The following GLCCI1 variants were observed in gnomAD, a reference collection of about 807,000 sequenced individuals.
The protein encoded by GLCCI1 is glucocorticoid-induced transcript 1 protein.
In GLCCI1, 24 loss-of-function variants were observed where a neutral mutation model predicts 52.2. The observed-to-expected ratio is 0.46, with a 90% CI of 0.33 to 0.65. The LOEUF (loss-of-function observed/expected upper bound fraction) is 0.65. Ranked by LOEUF, GLCCI1 falls within the 30% of genes least tolerant of loss-of-function variation. The probability of loss-of-function intolerance (pLI) is 0.02; values close to 1 mark genes in which losing one functional copy is unlikely to be tolerated. For missense variants in GLCCI1, 704 were observed against 701.5 expected (o/e 1.00, Z -0.04); for synonymous variants, 310 against 276.5 (o/e 1.12, Z -1.20).
chr7:8,002,577 A>G (rs1356114893), intron 1 of GLCCI1, among the ~76,000 whole-genome samples: 1 of 152,210 alleles, frequency 6.6e-6, no homozygotes, highest in Admixed American at 6.5e-5. Context: ...TAATATGATA[A>G]CATGCATTTT....
At chr7:8,048,552 G>T (rs17142375) in intron 3 of GLCCI1, among the ~76,000 whole-genome samples, 11 of 151,866 alleles carry the variant, frequency 7.2e-5, no homozygotes, top group African/African-American at 1.2e-4. Context: ...TAATTATGGG[G>T]AACATACATG....
chr7:8,003,928 C>A lies in GLCCI1; in HGVS notation c.478C>A (p.Gln160Lys). ...TGTAGCGGACAAGGCAAAATCTCAG[C>A]AAGTTCGGACCTCTAGTACAATAAG... ...VCRADKAKSQ[Q>K]VRTSSTIRRT... Residue 160 changes from glutamine (Q) to lysine (K), a missense_variant, in exon 2 of 8, where the codon CAA becomes AAA. Gln to Lys is a moderately conservative substitution (Grantham distance 53). Coordinates refer to ENST00000223145, the MANE Select transcript of GLCCI1 (RefSeq NM_138426.4). 6.2e-7 allele frequency: 1 copy of A among 1,611,558 alleles called. No individual in the cohort carries two copies. Among genetic ancestry groups the A allele is most frequent in the Non-Finnish European group, 8.5e-7 (1 of 1,178,764 alleles).
chr7:7,974,320 T>C (rs183604234), intron 1 of GLCCI1, among the ~76,000 whole-genome samples: 38 of 152,314 alleles, frequency 2.5e-4, no homozygotes, highest in African/African-American at 9.1e-4. Context: ...ATAACTGTTA[T>C]TGTAAGCGTA....
At chr7:8,026,047 G>A (rs1303607943) in intron 3 of GLCCI1, among the ~76,000 whole-genome samples, 2 of 152,112 alleles carry the variant, frequency 1.3e-5, no homozygotes, top group Non-Finnish European at 2.9e-5. Flanking sequence ...GTAAATATGT[G>A]GTAAATATAA....
chr7:8,056,143 C>A (rs1782392845), intron 4 of GLCCI1, among the ~76,000 whole-genome samples: 1 of 151,996 alleles, frequency 6.6e-6, no homozygotes, highest in East Asian at 1.9e-4. Context: ...ACTAAAAATA[C>A]AAAAAAATTA....
intron 3 of GLCCI1, among the ~76,000 whole-genome samples, chr7:8,049,704 T>A (rs1782215225): frequency 6.6e-6 from 1 of 152,210 alleles, no homozygotes; most frequent in South Asian, 2.1e-4. Flanking sequence ...GAAAGGAAGT[T>A]ATGCAGTGGT....
intron 6 of GLCCI1, among the ~76,000 whole-genome samples, chr7:8,077,149 A>G (rs968965035): frequency 2.0e-5 from 3 of 152,154 alleles, no homozygotes; most frequent in African/African-American, 7.2e-5. Context: ...CATGCTGGTA[A>G]CCAGTAAACT....
At chr7:8,008,199 G>T (rs1361823996) in intron 2 of GLCCI1, among the ~76,000 whole-genome samples, 1 of 151,594 alleles carries the variant, frequency 6.6e-6, no homozygotes, top group African/African-American at 2.4e-5. Context: ...CTGAAATTTT[G>T]TGTCCTTTGA....
At chr7:8,043,354 G>A (rs1250218687) in intron 3 of GLCCI1, among the ~76,000 whole-genome samples, 1 of 150,050 alleles carries the variant, frequency 6.7e-6, no homozygotes, top group Non-Finnish European at 1.5e-5. Flanking sequence ...AGCAGCCATA[G>A]GCAGTATAGA....
chr7:8,078,228 AAAG>A (rs1782917879), intron 6 of GLCCI1, among the ~76,000 whole-genome samples: 1 of 151,456 alleles, frequency 6.6e-6, no homozygotes, highest in South Asian at 2.1e-4. Context: ...AAAAAAAAAA[AAAG>A]GCCACTATTT....
chr7:7,974,487 A>G, intron 1 of GLCCI1, among the ~76,000 whole-genome samples: 1 of 152,106 alleles, frequency 6.6e-6, no homozygotes, highest in African/African-American at 2.4e-5. Flanking sequence ...ACTTAATGCA[A>G]ATTAGGATTT....
At chr7:8,085,087 A>G in intron 7 of GLCCI1, 70 bp downstream of exon 7, 1 of 1,534,038 alleles carries the variant, frequency 6.5e-7, no homozygotes, top group East Asian at 2.3e-5. Context: ...CCAGTTGATT[A>G]CATATGAATC....
intron 2 of GLCCI1, among the ~76,000 whole-genome samples, chr7:8,005,216 C>T (rs926027170): frequency 6.6e-6 from 1 of 151,484 alleles, no homozygotes; most frequent in Admixed American, 6.6e-5. Context: ...GAGTTAGATT[C>T]ACAAATATGA....
chr7:8,083,484 T>C (rs1030614704), intron 6 of GLCCI1, among the ~76,000 whole-genome samples: 28 of 152,300 alleles, frequency 1.8e-4, no homozygotes, highest in Middle Eastern at 3.4e-3. Context: ...TGTATCAACC[T>C]GAGACAATCC....
intron 1 of GLCCI1, among the ~76,000 whole-genome samples, chr7:8,001,433 A>G (rs982439112): frequency 8.5e-5 from 13 of 152,188 alleles, no homozygotes; most frequent in Non-Finnish European, 1.6e-4. Context: ...TAGAATGGCA[A>G]TCATTAAAAA....
Position 8,022,520 on chromosome 7 carries a change from G to T in GLCCI1, c.647G>T (p.Arg216Met), listed in dbSNP as rs1781517123. 6.3e-7 allele frequency: 1 copy of T among 1,587,784 alleles called. No individual in the cohort carries two copies. Among genetic ancestry groups the T allele is most frequent in the Non-Finnish European group, 8.6e-7 (1 of 1,165,696 alleles). Residue 216 changes from arginine (R) to methionine (M), a missense_variant, in exon 3 of 8, where the codon AGG becomes ATG. Around this residue, in one of 3 missense-constraint regions of GLCCI1, gnomAD observed 547 missense variants for 524.8 expected, o/e 1.04. Coordinates refer to ENST00000223145, the MANE Select transcript of GLCCI1 (RefSeq NM_138426.4). The stretch of plus-strand genomic sequence containing the variant: ...TGGGCAGAAGAGGGTGCAGAAAAGA[G>T]GTCACATCAGCGTTCTGCGTCATGG... Reference protein sequence around the residue: ...SCWAEEGAEKRSHQRSASWGS... With the variant: ...SCWAEEGAEKMSHQRSASWGS...
At chr7:8,003,289 G>A (rs1781081735) in intron 1 of GLCCI1, among the ~76,000 whole-genome samples, 1 of 152,154 alleles carries the variant, frequency 6.6e-6, no homozygotes, top group Non-Finnish European at 1.5e-5. Flanking sequence ...GAAGATAAAT[G>A]AGTTTGTCAA....
At chr7:8,033,060 A>C (rs1436863086) in intron 3 of GLCCI1, among the ~76,000 whole-genome samples, 1 of 152,038 alleles carries the variant, frequency 6.6e-6, no homozygotes, top group Non-Finnish European at 1.5e-5. Context: ...TACCCTGAGT[A>C]AGTGGGATTT....
chr7:8,074,183 A>G (rs1324092497), intron 6 of GLCCI1, among the ~76,000 whole-genome samples: 1 of 152,216 alleles, frequency 6.6e-6, no homozygotes, highest in Non-Finnish European at 1.5e-5. Context: ...TCTGTCTTTA[A>G]GGAATTTATA....
Sources: allele counts gnomAD v4.1 joint callset (sites outside exome capture counted in the v4.1 genomes callset), GRCh38; gene constraint gnomAD v4.1.1; regional missense constraint gnomAD v4.1.1; transcripts MANE v1.5; gene names NCBI Gene and HGNC (gene_info 2026-07-23, HGNC 2026-07-21).